Variants in CSMD3 observed in about 807,000 individuals in gnomAD.
The protein encoded by CSMD3 is CUB and sushi domain-containing protein 3.
A neutral mutation model predicts 435.2 loss-of-function variants in CSMD3; 177 were observed. The ratio of observed to expected loss-of-function variants is 0.41; its 90% CI spans 0.36 to 0.46. The LOEUF is 0.46. Ranked by LOEUF, CSMD3 falls within the 20% of genes least tolerant of loss-of-function variation. The probability of loss-of-function intolerance (pLI) is 0.34; values close to 1 mark genes in which losing one functional copy is unlikely to be tolerated. For missense variants in CSMD3, 4,265 were observed against 4,504.6 expected (o/e 0.95, Z 1.52); for synonymous variants, 1,656 against 1,520.5 (o/e 1.09, Z -2.07).
chr8:112,406,502 T>C, intron 35 of CSMD3, 22 bp downstream of exon 35: 1 of 1,530,158 alleles, frequency 6.5e-7, no homozygotes, highest in South Asian at 1.1e-5. Context: ...TAATCACAGA[T>C]CATACAAATT....
At chr8:113,263,868 T>G (rs1323693311) in intron 3 of CSMD3, among the ~76,000 whole-genome samples, 1 of 151,840 alleles carries the variant, frequency 6.6e-6, no homozygotes, top group Non-Finnish European at 1.5e-5. Flanking sequence ...TTATTTCAAG[T>G]ACTGAGAAAA....
At chr8:113,111,755 C>T (rs1334527135) in intron 4 of CSMD3, among the ~76,000 whole-genome samples, 2 of 152,064 alleles carry the variant, frequency 1.3e-5, no homozygotes, top group Non-Finnish European at 2.9e-5. Context: ...GATCTCAGCT[C>T]ACTGCAGCCT....
intron 11 of CSMD3, among the ~76,000 whole-genome samples, chr8:112,836,776 G>A (rs999518037): frequency 1.1e-4 from 16 of 151,884 alleles, no homozygotes; most frequent in Admixed American, 3.3e-4. Context: ...TGTTATTTAA[G>A]TCATTCGATT....
intron 9 of CSMD3, among the ~76,000 whole-genome samples, chr8:112,929,083 C>T (rs993214280): frequency 2.9e-4 from 43 of 149,554 alleles, no homozygotes; most frequent in Non-Finnish European, 4.8e-4. Flanking sequence ...GCATAAATGT[C>T]TTCTTTTGAG....
At chr8:112,537,047 A>G (rs1826174974) in intron 27 of CSMD3, among the ~76,000 whole-genome samples, 1 of 152,052 alleles carries the variant, frequency 6.6e-6, no homozygotes, top group Non-Finnish European at 1.5e-5. Flanking sequence ...GAGGGATAGC[A>G]TTAGGAGATA....
intron 11 of CSMD3, among the ~76,000 whole-genome samples, chr8:112,830,086 A>G (rs2079825003): frequency 6.6e-6 from 1 of 152,174 alleles, no homozygotes. Flanking sequence ...GTTTCTGTTT[A>G]TAGAATACTC....
intron 38 of CSMD3, among the ~76,000 whole-genome samples, chr8:112,360,601 G>T (rs533276663): frequency 7.4e-4 from 112 of 151,944 alleles, no homozygotes; most frequent in African/African-American, 2.7e-3. Context: ...TGATTTGTAT[G>T]TCATTCCTTG....
chr8:112,856,783 A>G (rs1459060117), intron 11 of CSMD3, among the ~76,000 whole-genome samples: 1 of 151,900 alleles, frequency 6.6e-6, no homozygotes, highest in Admixed American at 6.6e-5. Flanking sequence ...TAATTACTGA[A>G]CAAATTATAA....
chr8:113,318,939 A>G (rs1414443381), intron 1 of CSMD3, among the ~76,000 whole-genome samples: 1 of 151,734 alleles, frequency 6.6e-6, no homozygotes, highest in East Asian at 1.9e-4. Context: ...TTCTTTATCA[A>G]TTTATCTCTC....
intron 12 of CSMD3, among the ~76,000 whole-genome samples, chr8:112,803,697 A>C (rs2079013273): frequency 6.6e-6 from 1 of 152,196 alleles, no homozygotes; most frequent in Admixed American, 6.5e-5. Context: ...ACAATGTGAG[A>C]AAGACCAGCT....
intron 5 of CSMD3, among the ~76,000 whole-genome samples, chr8:113,047,779 A>G (rs2087899531): frequency 6.6e-6 from 1 of 152,208 alleles, no homozygotes; most frequent in Admixed American, 6.5e-5. Context: ...AATTATTACT[A>G]ATTACATTGC....
At chr8:113,346,464 G>T (rs1307491699) in intron 1 of CSMD3, among the ~76,000 whole-genome samples, 1 of 152,024 alleles carries the variant, frequency 6.6e-6, no homozygotes, top group Non-Finnish European at 1.5e-5. Flanking sequence ...TTCAAATAAA[G>T]GTATGCTTTT....
intron 4 of CSMD3, among the ~76,000 whole-genome samples, chr8:113,171,833 C>G (rs1199725230): frequency 6.6e-6 from 1 of 152,154 alleles, no homozygotes. Flanking sequence ...GGTTATCCTT[C>G]TGTACAGAAA....
intron 3 of CSMD3, among the ~76,000 whole-genome samples, chr8:113,174,718 T>A (rs1416352980): frequency 6.6e-6 from 1 of 151,876 alleles, no homozygotes; most frequent in Admixed American, 6.6e-5. Flanking sequence ...ATTAAAAATA[T>A]TAGAGGTTAT....
intron 1 of CSMD3, among the ~76,000 whole-genome samples, chr8:113,321,890 ACT>A (rs1221477665): frequency 3.3e-5 from 5 of 152,188 alleles, no homozygotes; most frequent in African/African-American, 1.2e-4. Flanking sequence ...TATAATACTC[ACT>A]GAGGAACAAT....
chr8:112,785,383 C>T (rs890590213), intron 13 of CSMD3, among the ~76,000 whole-genome samples: 2 of 151,848 alleles, frequency 1.3e-5, no homozygotes, highest in African/African-American at 4.8e-5. Flanking sequence ...CACTATTATT[C>T]AACATAGTAC....
intron 14 of CSMD3, among the ~76,000 whole-genome samples, chr8:112,686,284 T>A (rs2076008888): frequency 6.6e-6 from 1 of 152,134 alleles, no homozygotes; most frequent in African/African-American, 2.4e-5. Context: ...GAAGAACAGC[T>A]AAATGAGAGC....
intron 5 of CSMD3, among the ~76,000 whole-genome samples, chr8:113,055,019 C>A (rs1349254870): frequency 6.6e-6 from 1 of 152,110 alleles, no homozygotes; most frequent in Non-Finnish European, 1.5e-5. Context: ...CTAGATAGAT[C>A]GTCCCCTTTC....
At chr8:112,429,830 G>A (rs996909071) in intron 32 of CSMD3, among the ~76,000 whole-genome samples, 2 of 151,884 alleles carry the variant, frequency 1.3e-5, no homozygotes, top group African/African-American at 4.8e-5. Context: ...TAGATCATCA[G>A]AAATTTTTTT....
Sources: allele counts gnomAD v4.1 joint callset (sites outside exome capture counted in the v4.1 genomes callset), GRCh38; gene constraint gnomAD v4.1.1; transcripts MANE v1.5; gene names NCBI Gene and HGNC (gene_info 2026-07-23, HGNC 2026-07-21).